EPHB1: variants seen among roughly 807,000 people sequenced by gnomAD.
EPHB1 encodes EPH receptor B1, also known as ephrin type-B receptor 1.
EPHB1 carries 30 observed loss-of-function variants against 94.4 expected under a neutral mutation model. The ratio of observed to expected loss-of-function variants is 0.32; its 90% confidence interval spans 0.24 to 0.43. The LOEUF (loss-of-function observed/expected upper bound fraction) is 0.43. EPHB1 is among the 20% of genes least tolerant of loss of function. The pLI is 1.00. For missense variants in EPHB1, 1,055 were observed against 1,308.3 expected (o/e 0.81, Z 2.99); for synonymous variants, 522 against 489.1 (o/e 1.07, Z -0.89).
intron 3 of EPHB1, among the ~76,000 whole-genome samples, chr3:134,979,280 A>T (rs1934314684): frequency 6.6e-6 from 1 of 152,224 alleles, no homozygotes; most frequent in South Asian, 2.1e-4. Flanking sequence ...ACTTTGGTAA[A>T]GGAGCATGTT....
At position 135,003,687 on chromosome 3, in the gene EPHB1, T is replaced by C. The variant is rs190558935; in HGVS notation, c.805+51635T>C. Among the ~76,000 whole-genome samples the C allele has an allele frequency of 1.1e-3, 175 of 152,302 alleles. 3 individuals carry two copies. Among genetic ancestry groups the C allele is most frequent in the Admixed American group, 0.011 (164 of 15,304 alleles). On this transcript the variant is annotated intron_variant, in intron 3 of 15. Transcript: ENST00000398015. ...ATTTAGGATAGTTAGCTCTTCTTGC[T>C]GAATTGATCCCTTTACCATTATGTA...
intron 12 of EPHB1, among the ~76,000 whole-genome samples, chr3:135,206,082 CCAT>C (rs1258059203): frequency 2.2e-4 from 34 of 152,316 alleles, no homozygotes; most frequent in African/African-American, 7.9e-4. Context: ...ATTTTTTTGA[CCAT>C]CAATTGGTTT....
intron 1 of EPHB1, among the ~76,000 whole-genome samples, chr3:134,899,534 A>G (rs1468760124): frequency 6.6e-6 from 1 of 152,050 alleles, no homozygotes; most frequent in East Asian, 1.9e-4. Flanking sequence ...TTTCTCCTTC[A>G]CTTCCCAAAA....
chr3:134,848,652 A>G (rs2036920933), intron 1 of EPHB1, among the ~76,000 whole-genome samples: 1 of 152,222 alleles, frequency 6.6e-6, no homozygotes, highest in South Asian at 2.1e-4. Context: ...TAATGGTGCT[A>G]GAGACTTTGC....
intron 7 of EPHB1, among the ~76,000 whole-genome samples, chr3:135,164,789 AC>A (rs1316357013): frequency 7.3e-6 from 1 of 136,418 alleles, no homozygotes; most frequent in East Asian, 2.1e-4. Flanking sequence ...ACCCTGGGTG[AC>A]AGAGCAAGAC....
intron 1 of EPHB1, among the ~76,000 whole-genome samples, chr3:134,916,446 A>G (rs953593024): frequency 1.3e-5 from 2 of 152,186 alleles, no homozygotes; most frequent in African/African-American, 2.4e-5. Context: ...GCAGGAGCCC[A>G]TGGCAGGGTG....
chr3:134,948,524 A>G (rs576215967), intron 2 of EPHB1, among the ~76,000 whole-genome samples: 142 of 152,206 alleles, frequency 9.3e-4, no homozygotes, highest in African/African-American at 3.2e-3. Flanking sequence ...AACAAAACAC[A>G]GTGTTCAAGA....
rs549337910 is a variant in EPHB1, at chr3:135,166,589, C to G, written c.1695-353C>G. Among the ~76,000 whole-genome samples the G allele has an allele frequency of 1.1e-4, 16 of 152,370 alleles. No homozygotes were observed. In the South Asian group the frequency reaches 2.1e-3, roughly 20 times the overall value. ...AGTGGTTAGCCCAGATTCTGTCACG[C>G]AAAGCCCTGTAGTTGGCTCCCTCCC... On this transcript the variant is annotated intron_variant, in intron 8 of 15. Coordinates refer to ENST00000398015, the MANE Select transcript of EPHB1 (RefSeq NM_004441.5).
intron 13 of EPHB1, among the ~76,000 whole-genome samples, chr3:135,243,754 A>G (rs1223721902): frequency 6.6e-6 from 1 of 152,174 alleles, no homozygotes; most frequent in East Asian, 1.9e-4. Context: ...GCCGGTAATT[A>G]GGCTTCCAGA....
chr3:135,058,821 G>T (rs1239747378), intron 3 of EPHB1, among the ~76,000 whole-genome samples: 1 of 152,180 alleles, frequency 6.6e-6, no homozygotes, highest in African/African-American at 2.4e-5. Flanking sequence ...TTGTAGGTGG[G>T]TTTCTTCCCT....
At chr3:135,142,962 A>C (rs1422012836) in intron 5 of EPHB1, among the ~76,000 whole-genome samples, 1 of 152,176 alleles carries the variant, frequency 6.6e-6, no homozygotes, top group Non-Finnish European at 1.5e-5. Flanking sequence ...TGAAAGAGAC[A>C]GTGGGGAGCA....
chr3:135,174,374 G>C (rs921895950), intron 9 of EPHB1, among the ~76,000 whole-genome samples: 1 of 152,132 alleles, frequency 6.6e-6, no homozygotes, highest in African/African-American at 2.4e-5. Context: ...CGACACTCCA[G>C]GCTCCTCTTT....
chr3:134,919,605 G>T (rs893944603), intron 1 of EPHB1, among the ~76,000 whole-genome samples: 5 of 152,180 alleles, frequency 3.3e-5, no homozygotes, highest in Non-Finnish European at 5.9e-5. Flanking sequence ...GTCAAGGGCA[G>T]TAGACACCCT....
rs185967903 is a variant in EPHB1, at chr3:135,137,245, G to C, written c.1297+4196G>C. On this transcript the variant is annotated intron_variant, in intron 5 of 15. Coordinates refer to ENST00000398015, the MANE Select transcript of EPHB1 (RefSeq NM_004441.5). The stretch of plus-strand genomic sequence containing the variant: ...AAGCAGAGCCAGGTACAAGGCAATA[G>C]AGAGTGGTGGGGACTGCAGGGAACT... Among the ~76,000 whole-genome samples the C allele has an allele frequency of 1.8e-3, 281 of 152,334 alleles. 2 individuals carry two copies. Among genetic ancestry groups the C allele is most frequent in the Middle Eastern group, 3.4e-3 (1 of 294 alleles).
chr3:135,036,513 G>A (rs1039284834), intron 3 of EPHB1, among the ~76,000 whole-genome samples: 3 of 152,170 alleles, frequency 2.0e-5, no homozygotes, highest in African/African-American at 7.2e-5. Context: ...GAGACTGAGA[G>A]AGATGGGTAC....
intron 3 of EPHB1, among the ~76,000 whole-genome samples, chr3:135,053,060 T>G (rs1371460293): frequency 3.9e-5 from 5 of 128,624 alleles, no homozygotes; most frequent in Admixed American, 1.6e-4. Context: ...TATATAAAGT[T>G]GGTGTGTTGG....
chr3:134,801,455 T>G (rs2035933675), intron 1 of EPHB1, among the ~76,000 whole-genome samples: 1 of 152,166 alleles, frequency 6.6e-6, no homozygotes, highest in South Asian at 2.1e-4. Flanking sequence ...TGTCCTCCAT[T>G]GACTGTCGAG....
At chr3:135,252,016 TATAA>T (rs1933124858) in intron 15 of EPHB1, among the ~76,000 whole-genome samples, 1 of 152,146 alleles carries the variant, frequency 6.6e-6, no homozygotes, top group African/African-American at 2.4e-5. Flanking sequence ...TTGCCTTGTT[TATAA>T]ATAATTTATA....
chr3:134,937,444 CCCA>C (rs2039024861), intron 2 of EPHB1, among the ~76,000 whole-genome samples: 3 of 152,170 alleles, frequency 2.0e-5, no homozygotes, highest in Non-Finnish European at 4.4e-5. Flanking sequence ...TGCCAGAGGC[CCCA>C]CCCCTTCCTT....
Sources: gnomAD v4.1 joint callset for allele counts (sites outside exome capture counted in the v4.1 genomes callset) on GRCh38, gnomAD v4.1.1 for gene constraint, MANE v1.5 for transcripts, NCBI Gene and HGNC (gene_info 2026-07-23, HGNC 2026-07-21) for gene names.